CACNA1H: variants seen among roughly 807,000 people sequenced by gnomAD.
CACNA1H encodes voltage-dependent T-type calcium channel subunit alpha-1H.
Under a neutral mutation model 192.5 loss-of-function variants are expected in CACNA1H, and 149 were observed. That is an observed-to-expected ratio of 0.77 (90% CI 0.68 to 0.89). CACNA1H has a LOEUF of 0.89. Ranked by LOEUF, CACNA1H falls within the 40% of genes least tolerant of loss-of-function variation. The probability of loss-of-function intolerance (pLI) is 0.00; values close to 1 mark genes in which losing one functional copy is unlikely to be tolerated. For synonymous variants in CACNA1H, 2,202 were observed against 1,475.2 expected, an observed-to-expected ratio of 1.49 and a Z score of -11.29; for missense variants, 4,257 against 3,423.5, an observed-to-expected ratio of 1.24 and a Z score of -6.08.
rs1451837859 is a variant in CACNA1H, at chr16:1,218,670, A to G, written c.5887+19A>G. The stretch of plus-strand genomic sequence containing the variant: ...CCCTTGGGTATGGTAGCCAGCAGGA[A>G]GATATGGGCTGGGTGGGAAGCAGGA... On this transcript the variant is annotated intron_variant, in intron 33 of 34. Coordinates refer to ENST00000348261, the MANE Select transcript of CACNA1H (RefSeq NM_021098.3). The G allele has an allele frequency of 1.5e-5, 22 of 1,441,796 alleles. No homozygotes were observed. Among genetic ancestry groups the G allele is most frequent in the Admixed American group, 4.3e-5 (2 of 46,666 alleles). 89.3% of individuals were successfully genotyped at this position (1,441,796 alleles called of 1,614,324 possible).
intron 2 of CACNA1H, among the ~76,000 whole-genome samples, chr16:1,187,204 A>C (rs561956570): frequency 2.6e-5 from 4 of 152,198 alleles, no homozygotes; most frequent in Non-Finnish European, 5.9e-5. Context: ...AGGGGCCGGG[A>C]GGGGAGGAGG....
At chr16:1,208,508 G>T in intron 16 of CACNA1H, among the ~76,000 whole-genome samples, 1 of 152,212 alleles carries the variant, frequency 6.6e-6, no homozygotes, top group East Asian at 1.9e-4. Flanking sequence ...GGGCAGAAGC[G>T]TGCCCGGCAA....
At chr16:1,187,413 G>A (rs1434866470) in intron 2 of CACNA1H, among the ~76,000 whole-genome samples, 12 of 152,222 alleles carry the variant, frequency 7.9e-5, no homozygotes, top group African/African-American at 2.4e-4. Flanking sequence ...CTGAGTGGGG[G>A]GCTGTGGCCC....
chr16:1,202,535 C>A, intron 9 of CACNA1H, 83 bp downstream of exon 9: 2 of 1,199,200 alleles, frequency 1.7e-6, no homozygotes, highest in Non-Finnish European at 2.3e-6. Flanking sequence ...ATTCCCACAC[C>A]CATTGTGGGC....
intron 2 of CACNA1H, among the ~76,000 whole-genome samples, chr16:1,158,719 C>T (rs1308609938): frequency 6.6e-6 from 1 of 152,166 alleles, no homozygotes; most frequent in African/African-American, 2.4e-5. Context: ...GCCGGGGCTG[C>T]CGGGCATGTG....
rs1428658137 is a variant in CACNA1H at position 1,218,964 on chromosome 16, C to T, written c.5888-6C>T. 1.3e-6 allele frequency: 2 copies of T among 1,549,802 alleles called. No individual in the cohort carries two copies. Among genetic ancestry groups the T allele is most frequent in the Non-Finnish European group, 1.7e-6 (2 of 1,146,796 alleles). ...AGCTGCCAGCTTAGATTCTTCCCTG[C>T]CCCAGGCTCCGTTGCCTCTGTGCAC... On this transcript the variant is annotated splice_region_variant and splice_polypyrimidine_tract_variant and intron_variant, in intron 33 of 34. Transcript: ENST00000348261.
chr16:1,193,561 C>T (rs1487824356), intron 2 of CACNA1H, among the ~76,000 whole-genome samples: 1 of 152,280 alleles, frequency 6.6e-6, no homozygotes, highest in East Asian at 1.9e-4. Flanking sequence ...TGGCCTTGCC[C>T]ACCTATGGGA....
In CACNA1H at chr16:1,154,028, C is replaced by G. The variant is rs1961931077; in HGVS notation, c.291C>G (p.Val97=). Residue 97 remains valine (V), a synonymous_variant, in exon 2 of 35, where the codon GTC becomes GTG. Transcript: ENST00000348261. The part of the protein sequence containing the change: ...TRPRSWCLRL[V]CNPWFEHVSM... ...CGCGCAGCTGGTGCCTCCGGCTGGT[C>G]TGCAACCCATATCCTTCCCGGCCGG... is the stretch of plus-strand genomic sequence containing the variant. The G allele has an allele frequency of 2.2e-6, 3 of 1,390,322 alleles. No individual in the cohort carries two copies. The highest frequency in any genetic ancestry group is 3.1e-5 in the East Asian group (1 of 31,806). The allele number at this position is 1,390,322 out of a possible 1,614,324, so 86.1% of individuals were successfully genotyped here. A position where few individuals can be genotyped will look rare whatever the true frequency, so the allele number is the denominator to read the frequency against.
chr16:1,206,009 T>C, intron 11 of CACNA1H, 95 bp from the exon 12 acceptor site: 2 of 1,223,026 alleles, frequency 1.6e-6, no homozygotes, highest in Non-Finnish European at 2.3e-6. Context: ...CACAGGCCGC[T>C]GTGGCTCCCT....
rs755338405 is a variant in CACNA1H, at chr16:1,196,044, G to A, written c.643+21G>A. 5 of 1,593,382 alleles carry A rather than the reference G, an allele frequency of 3.1e-6. No homozygotes were observed. The East Asian group carries it at 1.1e-4, about 36-fold the overall frequency. The stretch of plus-strand genomic sequence containing the variant: ...GCCTAGTAAGTGACCGGCCCCGACT[G>A]GGCTTGAGATCAACAGGCTTGCGTG... On this transcript the variant is annotated intron_variant, in intron 5 of 34. Transcript: ENST00000348261.
At chr16:1,168,460 C>CT (rs1964024792) in intron 2 of CACNA1H, among the ~76,000 whole-genome samples, 1 of 152,020 alleles carries the variant, frequency 6.6e-6, no homozygotes, top group Non-Finnish European at 1.5e-5. Flanking sequence ...GTGGCTCCTG[C>CT]TTGGGCTGCT....
chr16:1,209,498 A>G (rs1567535819), intron 17 of CACNA1H, 86 bp downstream of exon 17: 2 of 1,516,510 alleles, frequency 1.3e-6, no homozygotes, highest in East Asian at 2.3e-5. Flanking sequence ...GATGGGATTC[A>G]GGGCGTGTTG....
At chr16:1,175,575 C>A (rs998589903) in intron 2 of CACNA1H, among the ~76,000 whole-genome samples, 1 of 152,206 alleles carries the variant, frequency 6.6e-6, no homozygotes, top group Admixed American at 6.5e-5. Context: ...CCGAGCTTGT[C>A]CTTCACTGTT....
chr16:1,219,109 CA>C lies in CACNA1H; in HGVS notation c.6028del (p.Ser2010AlafsTer37). 6.5e-7 allele frequency: 1 copy of C among 1,544,294 alleles called. No homozygotes were observed. Among genetic ancestry groups the C allele is most frequent in the Non-Finnish European group, 8.7e-7 (1 of 1,143,452 alleles). On this transcript the variant is annotated frameshift_variant, in exon 34 of 35. Transcript: ENST00000348261. LOFTEE classifies it low-confidence loss of function (END_TRUNC). ...PRGTARSPSL[S>X]RLLCRQEAVH... ...GGGGCACAGCCCGCTCCCCCAGTCT[CA>C]GCCGGCTGCTCTGCAGACAGGTAGG...
rs905514953 is a variant in CACNA1H at position 1,221,689 on chromosome 16, A to G, written c.*695A>G. The G allele has an allele frequency of 4.1e-6, 5 of 1,217,054 alleles. No individual in the cohort carries two copies. In the Admixed American group the frequency reaches 1.4e-4, roughly 35 times the overall value. 75.4% of individuals were successfully genotyped at this position (1,217,054 alleles called of 1,614,324 possible). A position where few individuals can be genotyped will look rare whatever the true frequency, so the allele number is the denominator to read the frequency against. ...CTTTTAAATTCAGGTTAAATGTTGC[A>G]ATAATCTGATGCAGAAGACTCAGCT... On this transcript the variant is annotated 3_prime_UTR_variant, in exon 35 of 35. Transcript: ENST00000348261.
rs199736210 is a variant in CACNA1H, at chr16:1,210,603, C to T, written c.3990C>T (p.Val1330=). 4.4e-6 allele frequency: 7 copies of T among 1,608,280 alleles called. No individual in the cohort carries two copies. Among genetic ancestry groups the T allele is most frequent in the Non-Finnish European group, 5.1e-6 (6 of 1,179,824 alleles). Residue 1330 remains valine, a synonymous_variant, in exon 20 of 35, where the codon GTC becomes GTT. Coordinates refer to ENST00000348261, the MANE Select transcript of CACNA1H (RefSeq NM_021098.3). ...PGSTERVFLS[V]SNYIFTAIFV... ...GGCAGGAGCGGGTCTTCCTCAGCGT[C>T]TCCAATTACATCTTCACGGCCATCT...
At chr16:1,219,959 C>T in intron 34 of CACNA1H, 22 bp from the exon 35 acceptor site, 1 of 1,281,378 alleles carries the variant, frequency 7.8e-7, no homozygotes. Context: ...CCGCCCCTCA[C>T]TTTGACTCTA....
At chr16:1,181,943 C>CGCCCCCTCGCACACGCAT (rs758217102) in intron 2 of CACNA1H, among the ~76,000 whole-genome samples, 11 of 152,088 alleles carry the variant, frequency 7.2e-5, no homozygotes, top group African/African-American at 9.7e-5. Flanking sequence ...TTTGCACACA[C>CGCCCCCTCGCACACGCAT]GCCCCCTCGC....
At chr16:1,211,627 G>A in intron 23 of CACNA1H, 21 bp downstream of exon 23, 1 of 1,609,212 alleles carries the variant, frequency 6.2e-7, no homozygotes, top group South Asian at 1.1e-5. Flanking sequence ...CGGCCGGGCG[G>A]GAGCTGGGGG....
Sources: gnomAD v4.1 joint callset for allele counts (sites outside exome capture counted in the v4.1 genomes callset) on GRCh38, gnomAD v4.1.1 for gene constraint, MANE v1.5 for transcripts, NCBI Gene and HGNC (gene_info 2026-07-23, HGNC 2026-07-21) for gene names.